The following LDLRAD4 variants were observed in gnomAD, a reference collection of about 807,000 sequenced individuals.
LDLRAD4 encodes low-density lipoprotein receptor class A domain-containing protein 4.
A neutral mutation model predicts 17.0 loss-of-function variants in LDLRAD4; 5 were observed. That is an observed-to-expected ratio of 0.29 (90% CI 0.15 to 0.62). LDLRAD4 has a LOEUF of 0.62. LDLRAD4 is among the 20% of genes least tolerant of loss of function. LDLRAD4 has a pLI of 0.84. For synonymous variants in LDLRAD4, 168 were observed against 171.8 expected, an observed-to-expected ratio of 0.98 and a Z score of 0.17; for missense variants, 340 against 424.7, an observed-to-expected ratio of 0.80 and a Z score of 1.75.
intron 1 of LDLRAD4, among the ~76,000 whole-genome samples, chr18:13,257,140 C>T (rs541472029): frequency 1.2e-3 from 176 of 152,320 alleles, no homozygotes; most frequent in African/African-American, 4.1e-3. Flanking sequence ...GAGGGTCCGG[C>T]GGGACAGACG....
At chr18:13,444,459 C>T (rs895854415) in intron 3 of LDLRAD4, among the ~76,000 whole-genome samples, 1 of 152,164 alleles carries the variant, frequency 6.6e-6, no homozygotes, top group Non-Finnish European at 1.5e-5. Context: ...GTGTGTTAAT[C>T]GACTTCTTAT....
chr18:13,510,901 CT>C (rs2093768080), intron 3 of LDLRAD4, among the ~76,000 whole-genome samples: 1 of 152,132 alleles, frequency 6.6e-6, no homozygotes, highest in South Asian at 2.1e-4. Flanking sequence ...GAGAGGGAAA[CT>C]TCAACACAAA....
intron 4 of LDLRAD4, among the ~76,000 whole-genome samples, chr18:13,628,248 A>C (rs1485132067): frequency 6.6e-6 from 1 of 152,240 alleles, no homozygotes; most frequent in Non-Finnish European, 1.5e-5. Flanking sequence ...TAAAGGGCTT[A>C]CTGATGCAGT....
intron 3 of LDLRAD4, chr18:13,543,553 C>T (rs2094316565): frequency 1.3e-5 from 2 of 152,256 alleles, no homozygotes; most frequent in Admixed American, 6.5e-5. Flanking sequence ...CCTTTCTCAA[C>T]TGGAGAGAAT....
chr18:13,444,556 A>C (rs2091256366), intron 3 of LDLRAD4, among the ~76,000 whole-genome samples: 1 of 152,180 alleles, frequency 6.6e-6, no homozygotes, highest in Non-Finnish European at 1.5e-5. Context: ...TTTCCACCAC[A>C]CGGAGATCAC....
At chr18:13,647,654 G>T (rs2043065608) in exon 6 of LDLRAD4, 1 of 152,228 alleles carries the variant, frequency 6.6e-6, no homozygotes, top group Non-Finnish European at 1.5e-5. Flanking sequence ...TTGTTTTGAG[G>T]ATTGGAATTT....
intron 2 of LDLRAD4, among the ~76,000 whole-genome samples, chr18:13,431,988 C>G (rs1274799678): frequency 6.6e-6 from 1 of 152,202 alleles, no homozygotes; most frequent in African/African-American, 2.4e-5. Flanking sequence ...CCGAGGTTGG[C>G]TGAGCGTGGA....
At chr18:13,304,155 G>A (rs896543262) in intron 1 of LDLRAD4, among the ~76,000 whole-genome samples, 2 of 152,186 alleles carry the variant, frequency 1.3e-5, no homozygotes, top group Non-Finnish European at 2.9e-5. Context: ...GACCTGGGCG[G>A]CTTCCCGGCT....
chr18:13,596,497 C>T (rs2095097309), intron 3 of LDLRAD4, among the ~76,000 whole-genome samples: 1 of 152,142 alleles, frequency 6.6e-6, no homozygotes, highest in Non-Finnish European at 1.5e-5. Context: ...ACACACATAA[C>T]TTGTCAGAAT....
At chr18:13,646,553 T>C (rs1005519306) in exon 6 of LDLRAD4, 2 of 152,422 alleles carry the variant, frequency 1.3e-5, no homozygotes, top group Admixed American at 1.3e-4. Flanking sequence ...GTTACTCTGC[T>C]ACTCTTAGGC....
chr18:13,578,827 CTTTTTTTT>C lies in LDLRAD4; in HGVS notation c.182-42269_182-42262del, dbSNP rs1003295658. 3.5e-3 allele frequency among the ~76,000 whole-genome samples: 231 copies of C among 65,692 alleles called. 3 individuals are homozygous for C. The highest frequency in any genetic ancestry group is 0.011 in the African/African-American group (181 of 16,158). 43.1% of individuals were successfully genotyped at this position (65,692 alleles called of 152,430 possible). A position where few individuals can be genotyped will look rare whatever the true frequency, so the allele number is the denominator to read the frequency against. On this transcript the variant is annotated intron_variant, in intron 3 of 5. Transcript: ENST00000359446. Reference sequence around the variant, plus strand: ...TGACCCATTTAAAAGTTGTCCGGGTCTTTTTTTTTTTTTTTTTTTTTTTTTTTTGTCAG... The same window carrying C: ...TGACCCATTTAAAAGTTGTCCGGGTCTTTTTTTTTTTTTTTTTTTTGTCAG...
chr18:13,422,889 T>C (rs983241774), intron 2 of LDLRAD4, among the ~76,000 whole-genome samples: 1 of 152,184 alleles, frequency 6.6e-6, no homozygotes, highest in Non-Finnish European at 1.5e-5. Flanking sequence ...TCAACCTTGG[T>C]GACATGCTCT....
At chr18:13,548,420 C>T (rs1283238055) in intron 3 of LDLRAD4, among the ~76,000 whole-genome samples, 1 of 152,310 alleles carries the variant, frequency 6.6e-6, no homozygotes, top group Middle Eastern at 3.4e-3. Flanking sequence ...ACTTTCAGCA[C>T]CCCCTTGGCC....
chr18:13,546,977 AC>A (rs2094374815), intron 3 of LDLRAD4, among the ~76,000 whole-genome samples: 1 of 152,118 alleles, frequency 6.6e-6, no homozygotes, highest in Non-Finnish European at 1.5e-5. Flanking sequence ...AGAACATTTG[AC>A]ATTTTGGCTG....
chr18:13,243,125 A>G (rs1414796789), intron 1 of LDLRAD4, among the ~76,000 whole-genome samples: 1 of 152,196 alleles, frequency 6.6e-6, no homozygotes, highest in Non-Finnish European at 1.5e-5. Context: ...TTAGTTTTCC[A>G]GTCAGGCCAT....
At chr18:13,218,780 C>G (rs1354424628), upstream of LDLRAD4, 1 of 152,346 alleles carries the variant, frequency 6.6e-6, no homozygotes, top group African/African-American at 2.4e-5. Context: ...GCTGCTGTTG[C>G]ACTTAGGCTG....
In LDLRAD4 at chr18:13,590,871, GT is replaced by G. The variant is rs562613024; in HGVS notation, c.182-30245del. Among the ~76,000 whole-genome samples, 147 of 152,298 alleles carry G rather than the reference GT, an allele frequency of 9.7e-4. 2 individuals are homozygous for G. The highest frequency in any genetic ancestry group is 8.2e-3 in the Admixed American group (125 of 15,296). ...CCAATTTATTATTTCTAATTCAGAG[GT>G]CTCATTATCATCAGATGGAATGGAG... On this transcript the variant is annotated intron_variant, in intron 3 of 5. Transcript: ENST00000359446.
chr18:13,466,613 A>T (rs573434254), intron 3 of LDLRAD4, among the ~76,000 whole-genome samples: 58 of 152,346 alleles, frequency 3.8e-4, no homozygotes, highest in Non-Finnish European at 8.1e-4. Context: ...AAACACACAA[A>T]AACCTAGAAA....
At chr18:13,396,761 G>A (rs1225438339) in intron 2 of LDLRAD4, among the ~76,000 whole-genome samples, 1 of 152,198 alleles carries the variant, frequency 6.6e-6, no homozygotes, top group African/African-American at 2.4e-5. Flanking sequence ...AGGATTACAG[G>A]TGTGAGCCAC....
Sources: gnomAD v4.1 joint callset for allele counts (sites outside exome capture counted in the v4.1 genomes callset) on GRCh38, gnomAD v4.1.1 for gene constraint, MANE v1.5 for transcripts, NCBI Gene and HGNC (gene_info 2026-07-23, HGNC 2026-07-21) for gene names.